Variants in KIFAP3 observed in about 807,000 individuals in gnomAD.
The protein encoded by KIFAP3 is kinesin-associated protein 3.
In KIFAP3, 68 loss-of-function variants were observed where a neutral mutation model predicts 106.5. That is an observed-to-expected ratio of 0.64 (90% CI 0.53 to 0.78). The LOEUF is 0.78. Ranked by LOEUF, KIFAP3 falls within the 30% of genes least tolerant of loss-of-function variation. KIFAP3 has a pLI of 0.00. For synonymous variants in KIFAP3, 320 were observed against 311.5 expected, an observed-to-expected ratio of 1.03 and a Z score of -0.29; for missense variants, 780 against 941.8, an observed-to-expected ratio of 0.83 and a Z score of 2.25.
Position 169,961,007 on chromosome 1 carries a change from A to G in KIFAP3, c.2173+39T>C, listed in dbSNP as rs373772439. On this transcript the variant is annotated intron_variant, in intron 18 of 19. Coordinates refer to ENST00000361580, the MANE Select transcript of KIFAP3 (RefSeq NM_014970.4). ...CTGGCCGACTAAAATCTCTATTCAT[A>G]GCATATAATAAACTGTTTACTTTCG... 8.5e-6 allele frequency: 13 copies of G among 1,532,974 alleles called. No homozygotes were observed. The African/African-American group carries it at 1.5e-4, about 18-fold the overall frequency. 95.0% of individuals were successfully genotyped at this position (1,532,974 alleles called of 1,614,324 possible). A position where few individuals can be genotyped will look rare whatever the true frequency, so the allele number is the denominator to read the frequency against.
At chr1:170,028,149 TTAAAG>T (rs1361637171) in intron 8 of KIFAP3, among the ~76,000 whole-genome samples, 1 of 151,636 alleles carries the variant, frequency 6.6e-6, no homozygotes, top group African/African-American at 2.4e-5. Flanking sequence ...ACAAGAAACG[TTAAAG>T]TAAATTGCTC....
At chr1:169,972,289 C>A (rs548397803) in intron 17 of KIFAP3, among the ~76,000 whole-genome samples, 4 of 151,856 alleles carry the variant, frequency 2.6e-5, no homozygotes, top group African/African-American at 9.7e-5. Flanking sequence ...GATCAGAACT[C>A]TGAATACCTG....
intron 1 of KIFAP3, among the ~76,000 whole-genome samples, chr1:170,080,215 G>A (rs1363089221): frequency 6.6e-6 from 1 of 151,926 alleles, no homozygotes; most frequent in Non-Finnish European, 1.5e-5. Context: ...ACCAAAATTT[G>A]TTCAAGACCT....
intron 3 of KIFAP3, among the ~76,000 whole-genome samples, chr1:170,046,390 T>C (rs1228938767): frequency 6.6e-6 from 1 of 152,140 alleles, no homozygotes; most frequent in African/African-American, 2.4e-5. Context: ...AAATAGGTTT[T>C]CTGCCCCAAA....
chr1:169,991,803 A>G (rs2101932712), intron 11 of KIFAP3, among the ~76,000 whole-genome samples: 1 of 152,272 alleles, frequency 6.6e-6, no homozygotes, highest in South Asian at 2.1e-4. Flanking sequence ...ATAGAATATT[A>G]TACAATTAAA....
chr1:169,995,880 CTAAT>C (rs1571627071), intron 10 of KIFAP3, among the ~76,000 whole-genome samples: 1 of 151,936 alleles, frequency 6.6e-6, no homozygotes, highest in African/African-American at 2.4e-5. Context: ...GGGAAATTCT[CTAAT>C]TAATTTTATA....
chr1:169,924,713 C>T (rs1663033023), intron 19 of KIFAP3, among the ~76,000 whole-genome samples: 1 of 152,166 alleles, frequency 6.6e-6, no homozygotes, highest in South Asian at 2.1e-4. Flanking sequence ...TATGTAGACA[C>T]TTTACTTTTT....
chr1:170,049,558 G>T (rs900573655), intron 2 of KIFAP3, among the ~76,000 whole-genome samples: 2 of 152,204 alleles, frequency 1.3e-5, no homozygotes, highest in African/African-American at 4.8e-5. Flanking sequence ...CTCCCAACAG[G>T]GGTTGATAGA....
upstream of KIFAP3, among the ~76,000 whole-genome samples, chr1:170,078,328 T>C (rs1048144730): frequency 6.6e-6 from 1 of 152,200 alleles, no homozygotes; most frequent in Admixed American, 6.5e-5. Context: ...TATTTTCATA[T>C]GTTTAATTAC....
chr1:170,045,459 G>A (rs1284170198), intron 3 of KIFAP3, among the ~76,000 whole-genome samples: 1 of 152,096 alleles, frequency 6.6e-6, no homozygotes, highest in East Asian at 1.9e-4. Flanking sequence ...ACTTAAAAGA[G>A]CCTATATGGC....
chr1:169,941,965 A>T (rs1171842180), intron 19 of KIFAP3, among the ~76,000 whole-genome samples: 11 of 152,208 alleles, frequency 7.2e-5, no homozygotes, highest in Non-Finnish European at 1.0e-4. Context: ...CTATTGATTT[A>T]TTCAACATAT....
upstream of KIFAP3, among the ~76,000 whole-genome samples, chr1:170,076,736 GT>G (rs1386639583): frequency 5.3e-5 from 8 of 152,174 alleles, no homozygotes; most frequent in Admixed American, 3.9e-4. Flanking sequence ...AATAATGATA[GT>G]TACTATTTTG....
intron 8 of KIFAP3, among the ~76,000 whole-genome samples, chr1:170,025,884 CCTT>C: frequency 6.6e-6 from 1 of 152,226 alleles, no homozygotes; most frequent in East Asian, 1.9e-4. Flanking sequence ...TGAATACTGT[CCTT>C]CTAAAATTTA....
At position 169,961,201 on chromosome 1, in the gene KIFAP3, C is replaced by G. The variant is rs1279388026; in HGVS notation, c.2018G>C (p.Ser673Thr). The change falls in exon 18 of 20, where the codon AGT (serine) becomes ACT (threonine). Residue 673 changes from serine (S) to threonine (T), a missense_variant. Around this residue, in one of 3 missense-constraint regions of KIFAP3, gnomAD observed 78 missense variants for 140.6 expected, o/e 0.55. Transcript: ENST00000361580. ...AGAGTTATGCCAGCGAAACTTTTCA[C>G]TCTGAATTTTCTTAGCCCATTCTTC... is the stretch of plus-strand genomic sequence containing the variant. ...YDEEWAKKIQ[S>T]EKFRWHNSQW... 6.2e-7 allele frequency: 1 copy of G among 1,613,174 alleles called. No homozygotes were observed.
chr1:169,998,120 A>C (rs1006256793), intron 10 of KIFAP3, among the ~76,000 whole-genome samples: 8 of 151,774 alleles, frequency 5.3e-5, no homozygotes, highest in African/African-American at 1.9e-4. Context: ...TTATCCTTTC[A>C]GGTTTCCTTC....
chr1:169,981,873 A>C, intron 15 of KIFAP3, 99 bp downstream of exon 15: 1 of 950,874 alleles, frequency 1.1e-6, no homozygotes, highest in Non-Finnish European at 1.5e-6. Context: ...CAATTAATGT[A>C]ATGAGAAAAA....
At chr1:170,046,623 T>C in intron 3 of KIFAP3, 89 bp downstream of exon 3, 1 of 1,064,502 alleles carries the variant, frequency 9.4e-7, no homozygotes, top group South Asian at 2.6e-5. Flanking sequence ...ATATCAATAG[T>C]TTGATAAACT....
intron 18 of KIFAP3, among the ~76,000 whole-genome samples, chr1:169,955,418 A>G (rs1035588059): frequency 1.3e-5 from 2 of 152,188 alleles, no homozygotes; most frequent in Non-Finnish European, 2.9e-5. Context: ...TAAGTACCCA[A>G]TAAGTGTGGA....
chr1:169,947,206 A>G (rs1246563129), intron 19 of KIFAP3, among the ~76,000 whole-genome samples: 1 of 152,000 alleles, frequency 6.6e-6, no homozygotes, highest in Non-Finnish European at 1.5e-5. Context: ...GGCTTGAAAT[A>G]GATGTTTACA....
Sources: gnomAD v4.1 joint callset for allele counts (sites outside exome capture counted in the v4.1 genomes callset) on GRCh38, gnomAD v4.1.1 for gene constraint, gnomAD v4.1.1 regional missense constraint, MANE v1.5 for transcripts, NCBI Gene and HGNC (gene_info 2026-07-23, HGNC 2026-07-21) for gene names.